Variants in DTNA observed in about 807,000 individuals in gnomAD.
DTNA encodes the protein dystrobrevin alpha, also known as dystrophin-related protein 3.
A neutral mutation model predicts 100.7 loss-of-function variants in DTNA; 43 were observed. That is an observed-to-expected ratio of 0.43 (90% CI 0.33 to 0.55). DTNA has a LOEUF of 0.55. DTNA is among the 20% of genes least tolerant of loss of function. The pLI is 0.04. For missense variants in DTNA, 798 were observed against 953.9 expected, an observed-to-expected ratio of 0.84 and a Z score of 2.15; for synonymous variants, 349 against 347.9, an observed-to-expected ratio of 1.00 and a Z score of -0.04.
At chr18:34,859,735 T>C (rs2096594995) in intron 16 of DTNA, among the ~76,000 whole-genome samples, 2 of 151,682 alleles carry the variant, frequency 1.3e-5, no homozygotes, top group Admixed American at 1.3e-4. Context: ...CAGTCCCTAT[T>C]CTCCTGACTC....
At chr18:34,622,585 A>T (rs76310296) in intron 1 of DTNA, among the ~76,000 whole-genome samples, 1 of 152,210 alleles carries the variant, frequency 6.6e-6, no homozygotes. Flanking sequence ...TCTGCCCTCA[A>T]TGCGGGCAGG....
In DTNA at chr18:34,888,865, T is replaced by C; in HGVS notation, c.*1131T>C. On this transcript the variant is annotated 3_prime_UTR_variant, in exon 23 of 23. Coordinates refer to ENST00000444659, the MANE Select transcript of DTNA (RefSeq NM_001386795.1). ...GCTTGCAAACGTTTGCTCTCCTTTTTTTCTGAATGTTGATTGCCTTAGCTG... is the reference window on the plus strand; with the variant it reads ...GCTTGCAAACGTTTGCTCTCCTTTTCTTCTGAATGTTGATTGCCTTAGCTG... 1 of 985,870 alleles carries C rather than the reference T, an allele frequency of 1.0e-6. No homozygotes were observed. Among genetic ancestry groups the C allele is most frequent in the Non-Finnish European group, 1.2e-6 (1 of 829,938 alleles). 61.1% of individuals were successfully genotyped at this position (985,870 alleles called of 1,614,324 possible).
rs934850074 is a variant in DTNA at position 34,754,320 on chromosome 18, A to T, written c.-1-1656A>T. On this transcript the variant is annotated intron_variant, in intron 1 of 22. Transcript: ENST00000444659. ...CTTCTGCTGTAGTTTTGTTAAATTT[A>T]TCCTCAGGAAATCAACCCCTCTCAT... is the stretch of plus-strand genomic sequence containing the variant. Among the ~76,000 whole-genome samples the T allele has an allele frequency of 3.3e-5, 5 of 152,058 alleles. No homozygotes were observed. In the South Asian group the frequency reaches 8.3e-4, roughly 25 times the overall value.
intron 13 of DTNA, among the ~76,000 whole-genome samples, chr18:34,846,671 A>C (rs902532539): frequency 5.9e-5 from 9 of 152,190 alleles, no homozygotes; most frequent in African/African-American, 2.2e-4. Flanking sequence ...CCAGAAAAAA[A>C]AAACAAACCT....
chr18:34,530,934 C>T (rs1235714450), intron 1 of DTNA, among the ~76,000 whole-genome samples: 1 of 152,132 alleles, frequency 6.6e-6, no homozygotes, highest in African/African-American at 2.4e-5. Context: ...TCTTCTTCCC[C>T]TCTCTCCTCC....
chr18:34,810,115 C>CT (rs1398268442), intron 5 of DTNA, among the ~76,000 whole-genome samples: 2 of 152,176 alleles, frequency 1.3e-5, no homozygotes, highest in Non-Finnish European at 2.9e-5. Context: ...AAATCCAATG[C>CT]TGTAAGCCTG....
chr18:34,776,910 C>T lies in DTNA; in HGVS notation c.148+10869C>T, dbSNP rs78976723. Among the ~76,000 whole-genome samples the T allele has an allele frequency of 8.6e-3, 1,305 of 152,286 alleles. 19 individuals carry two copies. Among genetic ancestry groups the T allele is most frequent in the African/African-American group, 0.03 (1,254 of 41,550 alleles). On this transcript the variant is annotated intron_variant, in intron 3 of 22. Transcript: ENST00000444659. ...ACTGGGAACATACCAGGCATGTGCCCGCATAGGGCCTTAGCACTGGCTGTT... is the reference window on the plus strand; with the variant it reads ...ACTGGGAACATACCAGGCATGTGCCTGCATAGGGCCTTAGCACTGGCTGTT...
chr18:34,786,464 G>A (rs1334731779), intron 3 of DTNA, among the ~76,000 whole-genome samples: 1 of 152,128 alleles, frequency 6.6e-6, no homozygotes, highest in Non-Finnish European at 1.5e-5. Context: ...GCATTTTCAG[G>A]AGAAACTATT....
chr18:34,594,018 G>A (rs1037246326), intron 1 of DTNA, among the ~76,000 whole-genome samples: 3 of 152,054 alleles, frequency 2.0e-5, no homozygotes, highest in African/African-American at 7.2e-5. Context: ...GGAGCCTTTA[G>A]AAGATATTCT....
chr18:34,677,326 A>G (rs773787405), intron 1 of DTNA, among the ~76,000 whole-genome samples: 2 of 152,072 alleles, frequency 1.3e-5, no homozygotes, highest in South Asian at 4.1e-4. Context: ...CTCCAAATCT[A>G]TTGCAGTCTG....
At chr18:34,793,957 A>T in intron 3 of DTNA, 80 bp from the exon 4 acceptor site, 1 of 1,469,228 alleles carries the variant, frequency 6.8e-7, no homozygotes, top group Non-Finnish European at 9.4e-7. Context: ...CTAGAAAAAA[A>T]CAGGACAGAG....
At chr18:34,707,522 T>G (rs567827085), upstream of DTNA, among the ~76,000 whole-genome samples, 1 of 152,250 alleles carries the variant, frequency 6.6e-6, no homozygotes, top group East Asian at 1.9e-4. Flanking sequence ...GCACCTTCTG[T>G]TTGGCAATCA....
chr18:34,598,664 C>T (rs1343123430), intron 1 of DTNA, among the ~76,000 whole-genome samples: 1 of 152,046 alleles, frequency 6.6e-6, no homozygotes, highest in Non-Finnish European at 1.5e-5. Flanking sequence ...GAGATTGAGA[C>T]CATCCTGGCT....
Position 34,879,575 on chromosome 18 carries a change from A to G in DTNA, c.2018A>G (p.Asn673Ser). ...NSEVGSETES[N>S]VDSEFARTQF... The stretch of plus-strand genomic sequence containing the variant: ...GAGGTTGGGAGTGAAACAGAGAGTA[A>G]TGTGGATTCTGAATTTGCACGGACT... The change falls in exon 20 of 23, where the codon AAT (asparagine) becomes AGT (serine). Residue 673 changes from asparagine to serine, a missense_variant. This residue lies in a region of DTNA where 242 missense variants were observed against 238.2 expected (regional missense o/e 1.02). Transcript: ENST00000444659. 6.2e-7 allele frequency: 1 copy of G among 1,614,062 alleles called. No homozygotes were observed. The highest frequency in any genetic ancestry group is 8.5e-7 in the Non-Finnish European group (1 of 1,179,986).
intron 1 of DTNA, among the ~76,000 whole-genome samples, chr18:34,505,547 T>C (rs985046220): frequency 1.3e-5 from 2 of 152,220 alleles, no homozygotes; most frequent in African/African-American, 4.8e-5. Flanking sequence ...TTCTCTGTTA[T>C]TCAAATTGAG....
intron 1 of DTNA, among the ~76,000 whole-genome samples, chr18:34,571,282 CT>C (rs1298508477): frequency 6.6e-6 from 1 of 152,192 alleles, no homozygotes; most frequent in Non-Finnish European, 1.5e-5. Flanking sequence ...AACTTTAAGT[CT>C]CATCAGTATT....
intron 1 of DTNA, among the ~76,000 whole-genome samples, chr18:34,647,559 G>A (rs929567430): frequency 1.8e-4 from 28 of 152,196 alleles, no homozygotes; most frequent in Admixed American, 3.3e-4. Context: ...AGGAAGAGGA[G>A]AACAGTCAGT....
chr18:34,526,208 A>C (rs796351333), intron 1 of DTNA, among the ~76,000 whole-genome samples: 148 of 152,270 alleles, frequency 9.7e-4, no homozygotes, highest in African/African-American at 3.5e-3. Flanking sequence ...TGTTTCACTC[A>C]AATGAAGTGG....
intron 4 of DTNA, among the ~76,000 whole-genome samples, chr18:34,799,993 T>C (rs2095144639): frequency 6.6e-6 from 1 of 152,210 alleles, no homozygotes; most frequent in Non-Finnish European, 1.5e-5. Flanking sequence ...AAAGGGTTTC[T>C]GTCTGTTCAC....
Sources: allele counts gnomAD v4.1 joint callset (sites outside exome capture counted in the v4.1 genomes callset), GRCh38; gene constraint gnomAD v4.1.1; regional missense constraint gnomAD v4.1.1; transcripts MANE v1.5; gene names NCBI Gene and HGNC (gene_info 2026-07-23, HGNC 2026-07-21).